LRBA: variants seen among roughly 807,000 people sequenced by gnomAD.
LRBA encodes the protein LPS responsive beige-like anchor protein.
Under a neutral mutation model 330.0 loss-of-function variants are expected in LRBA, and 176 were observed. That is an observed-to-expected ratio of 0.53 (90% CI 0.47 to 0.60). LRBA has a LOEUF of 0.60. Ranked by LOEUF, LRBA falls within the 20% of genes least tolerant of loss-of-function variation. The probability of loss-of-function intolerance (pLI) is 0.00; values close to 1 mark genes in which losing one functional copy is unlikely to be tolerated. For missense variants in LRBA, 3,259 were observed against 3,444.8 expected (o/e 0.95, Z 1.35); for synonymous variants, 1,230 against 1,193.0 (o/e 1.03, Z -0.64).
At chr4:150,359,245 G>A (rs986795740) in intron 47 of LRBA, among the ~76,000 whole-genome samples, 4 of 152,104 alleles carry the variant, frequency 2.6e-5, no homozygotes, top group African/African-American at 7.2e-5. Context: ...TATTCATTCA[G>A]TAAATATTTA....
rs1009661477 is a variant in LRBA at position 150,583,730 on chromosome 4, TCGGGGAGGCGGAGAAC to T, written c.6330+4302_6330+4317del. ...GAGAGCGACGCCTGGGTGCTACAGTTCGGGGAGGCGGAGAACCGCCTGCTGATGGGCGGCTGCCGAA... is the reference window on the plus strand; with the variant it reads ...GAGAGCGACGCCTGGGTGCTACAGTTCGCCTGCTGATGGGCGGCTGCCGAA... On this transcript the variant is annotated intron_variant, in intron 40 of 56. Transcript: ENST00000651943. This position sits in a 1 kb window ranked among gnomAD's most constrained non-coding sequence, Gnocchi z 9.8. 1.2e-6 allele frequency: 2 copies of T among 1,613,488 alleles called. No homozygotes were observed. Among genetic ancestry groups the T allele is most frequent in the Non-Finnish European group, 1.7e-6 (2 of 1,179,802 alleles).
At chr4:150,465,309 G>A (rs1755304838) in intron 44 of LRBA, among the ~76,000 whole-genome samples, 1 of 152,024 alleles carries the variant, frequency 6.6e-6, no homozygotes, top group African/African-American at 2.4e-5. Flanking sequence ...TCTGTCGATG[G>A]ACATTTGGGT....
chr4:150,790,896 A>G (rs1244739052), intron 34 of LRBA, among the ~76,000 whole-genome samples: 2 of 152,230 alleles, frequency 1.3e-5, no homozygotes, highest in African/African-American at 4.8e-5. Context: ...TTAGAAGCCT[A>G]CCCTATTGAT....
intron 53 of LRBA, among the ~76,000 whole-genome samples, chr4:150,299,310 CT>C (rs1729356615): frequency 6.6e-6 from 1 of 151,938 alleles, no homozygotes; most frequent in Admixed American, 6.6e-5. Context: ...CATTTTTCTT[CT>C]CATTGAAAAA....
chr4:150,639,778 T>C (rs941670854), intron 37 of LRBA, among the ~76,000 whole-genome samples: 2 of 3,094 alleles, frequency 6.5e-4, no homozygotes, highest in African/African-American at 2.0e-3. Context: ...TATATATATA[T>C]ATATGTGTGT....
intron 47 of LRBA, among the ~76,000 whole-genome samples, chr4:150,413,326 A>G (rs1747280274): frequency 6.6e-6 from 1 of 152,108 alleles, no homozygotes; most frequent in Non-Finnish European, 1.5e-5. Context: ...AAATAAAAAC[A>G]GATGTCCACA....
At chr4:150,803,022 C>CA (rs746026878) in intron 33 of LRBA, among the ~76,000 whole-genome samples, 2,322 of 34,266 alleles carry the variant, frequency 0.068, 85 homozygotes, top group African/African-American at 0.094. Context: ...ACTCTGTCTC[C>CA]AAAAAAAAAA....
intron 46 of LRBA, among the ~76,000 whole-genome samples, chr4:150,425,730 C>T: frequency 6.6e-6 from 1 of 152,098 alleles, no homozygotes; most frequent in East Asian, 1.9e-4. Flanking sequence ...AACTACTAAT[C>T]TATCAACCAA....
chr4:150,852,130 T>A lies in LRBA; in HGVS notation c.3580A>T (p.Thr1194Ser). The A allele has an allele frequency of 6.2e-7, 1 of 1,614,138 alleles. No individual in the cohort carries two copies. Among genetic ancestry groups the A allele is most frequent in the East Asian group, 2.2e-5 (1 of 44,878 alleles). ...ASGSSAMSPE[T>S]TVSQIAVESD... ...TCTACAGCTATTTGGGAAACAGTAG[T>A]TTCTGGTGACATAGCTGAAGACCCT... Residue 1194 changes from threonine to serine, a missense_variant, in exon 23 of 57, where the codon ACT becomes TCT. Coordinates refer to ENST00000651943, the MANE Select transcript of LRBA (RefSeq NM_001364905.1).
At chr4:150,908,287 G>A in intron 11 of LRBA, 47 bp downstream of exon 11, 3 of 1,580,204 alleles carry the variant, frequency 1.9e-6, no homozygotes, top group Non-Finnish European at 1.7e-6. Flanking sequence ...CAACAGTGAT[G>A]AAATTAACCC....
intron 5 of LRBA, 102 bp from the exon 6 acceptor site, chr4:150,916,840 A>C: frequency 1.1e-6 from 1 of 878,656 alleles, no homozygotes; most frequent in Non-Finnish European, 1.7e-6. Flanking sequence ...GTACTACATC[A>C]CATTACTTTA....
intron 4 of LRBA, 111 bp downstream of exon 4, chr4:150,928,405 A>C (rs1734106626): frequency 3.0e-6 from 2 of 668,948 alleles, no homozygotes; most frequent in Non-Finnish European, 5.2e-6. Flanking sequence ...TAATTAATCT[A>C]TTCAATTTGA....
At chr4:150,797,850 G>A (rs556853149) in intron 34 of LRBA, among the ~76,000 whole-genome samples, 1 of 152,192 alleles carries the variant, frequency 6.6e-6, no homozygotes, top group East Asian at 1.9e-4. Context: ...CATTTTTAAA[G>A]TGACTCTAAA....
rs1388817275 is a variant in LRBA at position 150,583,909 on chromosome 4, T to C, written c.6330+4139A>G. 3 of 1,612,064 alleles carry C rather than the reference T, an allele frequency of 1.9e-6. No homozygotes were observed. The East Asian group carries it at 6.7e-5, about 36-fold the overall frequency. On this transcript the variant is annotated intron_variant, in intron 40 of 56. Coordinates refer to ENST00000651943, the MANE Select transcript of LRBA (RefSeq NM_001364905.1). The surrounding 1 kb of genome is among the most constrained non-coding windows in gnomAD (Gnocchi z 9.8). The stretch of plus-strand genomic sequence containing the variant: ...CCCACGAGAAACGGACTGGGACGAG[T>C]CGTGCCTGGGCGACCGGCTCAACGG...
chr4:150,972,242 TAAAC>T (rs1199597498), intron 2 of LRBA, among the ~76,000 whole-genome samples: 3 of 152,162 alleles, frequency 2.0e-5, no homozygotes, highest in Non-Finnish European at 4.4e-5. Context: ...ACAAGGGTTT[TAAAC>T]AAACAGATAT....
chr4:150,534,719 T>C (rs6827645), intron 40 of LRBA, among the ~76,000 whole-genome samples: 22,920 of 152,162 alleles, frequency 0.15, 1,742 homozygotes, highest in Middle Eastern at 0.18. Context: ...TTTAATATTA[T>C]TTAGCATGTG....
intron 37 of LRBA, among the ~76,000 whole-genome samples, chr4:150,644,352 A>G (rs1470689051): frequency 6.6e-6 from 1 of 151,950 alleles, no homozygotes; most frequent in African/African-American, 2.4e-5. Context: ...CAGAAAAATT[A>G]AAAATGAAAA....
At chr4:150,792,219 G>A (rs539426391) in intron 34 of LRBA, among the ~76,000 whole-genome samples, 2 of 147,076 alleles carry the variant, frequency 1.4e-5, no homozygotes, top group South Asian at 2.1e-4. Flanking sequence ...AAAAAAAAAG[G>A]TTGAAGCGTA....
chr4:150,583,847 A>C lies in LRBA; in HGVS notation c.6330+4201T>G, dbSNP rs1771736437. The C allele has an allele frequency of 6.2e-7, 1 of 1,614,046 alleles. No individual in the cohort carries two copies. The highest frequency in any genetic ancestry group is 8.5e-7 in the Non-Finnish European group (1 of 1,180,022). Reference sequence around the variant, plus strand: ...CCCGGCCAGCCGCTCAACAACTACCACATGAAGACGCTGCTGCTGTACGAG... The same window carrying C: ...CCCGGCCAGCCGCTCAACAACTACCCCATGAAGACGCTGCTGCTGTACGAG... On this transcript the variant is annotated intron_variant, in intron 40 of 56. Transcript: ENST00000651943. The surrounding 1 kb of genome is among the most constrained non-coding windows in gnomAD (Gnocchi z 9.8).
Sources: gnomAD v4.1 joint callset for allele counts (sites outside exome capture counted in the v4.1 genomes callset) on GRCh38, gnomAD v4.1.1 for gene constraint, Gnocchi (gnomAD v3.1) non-coding constraint, MANE v1.5 for transcripts, NCBI Gene and HGNC (gene_info 2026-07-23, HGNC 2026-07-21) for gene names.